The following DMD variants were observed in gnomAD, a reference collection of about 807,000 sequenced individuals.
DMD encodes the protein dystrophin.
A neutral mutation model predicts 330.1 loss-of-function variants in DMD; 63 were observed. The observed-to-expected ratio is 0.19, with a 90% CI of 0.16 to 0.24. DMD has a LOEUF of 0.24. DMD is among the 10% of genes least tolerant of loss of function. The pLI is 1.00. For synonymous variants in DMD, 1,223 were observed against 959.8 expected (o/e 1.27, Z -5.07); for missense variants, 3,344 against 2,684.1 (o/e 1.25, Z -5.43).
chrX:32,984,493 G>T (rs934510464), intron 2 of DMD, among the ~76,000 whole-genome samples: 9 of 111,703 alleles, frequency 8.1e-5, no homozygotes, highest in African/African-American at 2.9e-4. Flanking sequence ...GACCTCAGGT[G>T]ATCCACCCGC....
intron 1 of DMD, among the ~76,000 whole-genome samples, chrX:33,247,015 A>G (rs1319676616): frequency 8.9e-6 from 1 of 111,895 alleles, no homozygotes; most frequent in Non-Finnish European, 1.9e-5. Context: ...CTGTTTTAGT[A>G]CTTAAACAAA....
chrX:32,919,320 A>C (rs2088154016), intron 2 of DMD, among the ~76,000 whole-genome samples: 1 of 111,969 alleles, frequency 8.9e-6, no homozygotes, highest in African/African-American at 3.2e-5. Context: ...CAGAGATACT[A>C]TCCAACCTGT....
At chrX:32,648,084 CTT>C (rs1206525690) in intron 9 of DMD, among the ~76,000 whole-genome samples, 4 of 111,637 alleles carry the variant, frequency 3.6e-5, no homozygotes, top group African/African-American at 9.8e-5. Flanking sequence ...ATATTAAACA[CTT>C]TATGATTTAT....
chrX:32,955,549 C>T (rs1193982518), intron 2 of DMD, among the ~76,000 whole-genome samples: 1 of 111,797 alleles, frequency 8.9e-6, no homozygotes, highest in African/African-American at 3.2e-5. Flanking sequence ...TAATTAGATG[C>T]CATTTTTCAA....
At chrX:32,604,356 C>T (rs1378501301) in intron 12 of DMD, among the ~76,000 whole-genome samples, 1 of 110,124 alleles carries the variant, frequency 9.1e-6, no homozygotes, top group East Asian at 2.9e-4. Flanking sequence ...AGCCTCTCCC[C>T]AAGATAAAGA....
intron 55 of DMD, among the ~76,000 whole-genome samples, chrX:31,522,890 G>A (rs1328713584): frequency 9.0e-6 from 1 of 111,666 alleles, no homozygotes; most frequent in Non-Finnish European, 1.9e-5. Flanking sequence ...GGGCCCAGCA[G>A]GGAGTCAGAC....
chrX:32,875,157 G>C (rs892869799), intron 2 of DMD, among the ~76,000 whole-genome samples: 1 of 112,322 alleles, frequency 8.9e-6, no homozygotes, highest in African/African-American at 3.2e-5. Flanking sequence ...TGGAGGCTCT[G>C]CCTTGAATCA....
At chrX:33,075,049 G>T (rs1289927812) in intron 1 of DMD, among the ~76,000 whole-genome samples, 2 of 111,987 alleles carry the variant, frequency 1.8e-5, no homozygotes, top group African/African-American at 6.5e-5. Flanking sequence ...ATACAGGATT[G>T]CCAGCCATTA....
intron 2 of DMD, among the ~76,000 whole-genome samples, chrX:32,995,652 A>G (rs1401155092): frequency 8.9e-6 from 1 of 112,318 alleles, no homozygotes; most frequent in Non-Finnish European, 1.9e-5. Flanking sequence ...GCCAAGTGAA[A>G]TAAGGTCTAT....
intron 55 of DMD, among the ~76,000 whole-genome samples, chrX:31,557,555 A>G (rs1019332000): frequency 8.9e-6 from 1 of 112,148 alleles, no homozygotes; most frequent in Non-Finnish European, 1.9e-5. Flanking sequence ...TCTAGAGGCC[A>G]AGGGTTTTAT....
intron 2 of DMD, among the ~76,000 whole-genome samples, chrX:32,850,206 G>A: frequency 9.0e-6 from 1 of 111,531 alleles, no homozygotes; most frequent in South Asian, 3.8e-4. Context: ...GGTACATAAA[G>A]TTTAACCATT....
At chrX:31,811,507 A>G (rs1314707285) in intron 50 of DMD, among the ~76,000 whole-genome samples, 1 of 112,311 alleles carries the variant, frequency 8.9e-6, no homozygotes, top group Non-Finnish European at 1.9e-5. Context: ...AAATTAATTA[A>G]TTAATGTCAA....
intron 1 of DMD, among the ~76,000 whole-genome samples, chrX:33,282,720 A>G (rs1027789592): frequency 2.7e-5 from 3 of 112,042 alleles, no homozygotes; most frequent in African/African-American, 9.7e-5. Flanking sequence ...CTCCCATTCA[A>G]TAGCCCTTGC....
chrX:32,739,417 A>G (rs2068945662), intron 7 of DMD, among the ~76,000 whole-genome samples: 1 of 111,996 alleles, frequency 8.9e-6, no homozygotes, highest in Non-Finnish European at 1.9e-5. Context: ...ACAGTTCATG[A>G]AACTGAGAAA....
chrX:32,030,922 T>A (rs1025832317), intron 44 of DMD, among the ~76,000 whole-genome samples: 3 of 111,773 alleles, frequency 2.7e-5, no homozygotes, highest in African/African-American at 9.7e-5. Context: ...GCAGTTTAAT[T>A]GCAACATCTG....
intron 7 of DMD, among the ~76,000 whole-genome samples, chrX:32,754,539 A>G (rs1395455727): frequency 1.4e-5 from 1 of 72,030 alleles, no homozygotes; most frequent in East Asian, 3.4e-4. Context: ...AAATAGAAAT[A>G]AACCATTAAA....
intron 6 of DMD, among the ~76,000 whole-genome samples, chrX:32,815,522 C>T (rs11796100): frequency 5.5e-3 from 192 of 34,686 alleles, no homozygotes; most frequent in East Asian, 0.053. Context: ...TATATATATA[C>T]ACACACACAC....
chrX:31,582,341 A>C (rs1438122191), intron 55 of DMD, among the ~76,000 whole-genome samples: 1 of 111,519 alleles, frequency 9.0e-6, no homozygotes, highest in Admixed American at 9.6e-5. Flanking sequence ...GCAGCCTTAA[A>C]TTTTCTGCCA....
chrX:31,871,049 C>T (rs2093881966), intron 48 of DMD, among the ~76,000 whole-genome samples: 1 of 111,484 alleles, frequency 9.0e-6, no homozygotes, highest in Admixed American at 9.5e-5. Context: ...AAACTGGTCC[C>T]GGGATCTTAG....
Sources: allele counts gnomAD v4.1 joint callset (sites outside exome capture counted in the v4.1 genomes callset), GRCh38; gene constraint gnomAD v4.1.1; transcripts MANE v1.5; gene names NCBI Gene and HGNC (gene_info 2026-07-23, HGNC 2026-07-21).